CACNA2D3: variants seen among roughly 807,000 people sequenced by gnomAD.
The protein encoded by CACNA2D3 is voltage-dependent calcium channel subunit alpha-2/delta-3.
In CACNA2D3, 60 loss-of-function variants were observed where a neutral mutation model predicts 160.6. The ratio of observed to expected loss-of-function variants is 0.37; its 90% confidence interval spans 0.30 to 0.46. CACNA2D3 has a LOEUF of 0.46. Ranked by LOEUF, CACNA2D3 falls within the 20% of genes least tolerant of loss-of-function variation. The probability of loss-of-function intolerance (pLI) is 1.00; values close to 1 mark genes in which losing one functional copy is unlikely to be tolerated. For synonymous variants in CACNA2D3, 558 were observed against 492.9 expected, an observed-to-expected ratio of 1.13 and a Z score of -1.75; for missense variants, 1,205 against 1,365.0, an observed-to-expected ratio of 0.88 and a Z score of 1.85.
chr3:54,570,027 C>T lies in CACNA2D3; in HGVS notation c.811C>T (p.Arg271Cys), dbSNP rs749577299. Reference protein sequence around the residue: ...VDVSGSMKGLRLTIAKQTVSS... With the variant: ...VDVSGSMKGLCLTIAKQTVSS... ...CGTCAGTGGCAGCATGAAAGGACTC[C>T]GTCTGACTATCGCGAAGCAAACAGT... The change falls in exon 8 of 38, where the codon CGT becomes TGT. Residue 271 changes from arginine (R) to cysteine (C), a missense_variant. Physicochemically the swap from Arg to Cys is radical, Grantham distance 180. Coordinates refer to ENST00000474759, the MANE Select transcript of CACNA2D3 (RefSeq NM_018398.3). 9.3e-6 allele frequency: 15 copies of T among 1,613,982 alleles called. No homozygotes were observed. The highest frequency in any genetic ancestry group is 1.3e-5 in the Non-Finnish European group (15 of 1,179,844).
chr3:54,724,276 T>G (rs1257809533), intron 11 of CACNA2D3, among the ~76,000 whole-genome samples: 1 of 152,118 alleles, frequency 6.6e-6, no homozygotes, highest in Non-Finnish European at 1.5e-5. Flanking sequence ...AGCAAGTTCT[T>G]AGAGACCTAC....
In CACNA2D3 at chr3:54,215,240, C is replaced by T. The variant is rs76309987; in HGVS notation, c.204+91646C>T. ...CAAAATTGTATATATTTATGGTACA[C>T]AATGTGATGTTTTGATTAATCTGTG... On this transcript the variant is annotated intron_variant, in intron 2 of 37. Coordinates refer to ENST00000474759, the MANE Select transcript of CACNA2D3 (RefSeq NM_018398.3). Among the ~76,000 whole-genome samples, 860 of 152,296 alleles carry T rather than the reference C, an allele frequency of 5.6e-3. 30 individuals are homozygous for T. In the East Asian group the frequency reaches 0.11, roughly 19 times the overall value.
At chr3:54,742,106 G>C (rs2107044664) in intron 11 of CACNA2D3, among the ~76,000 whole-genome samples, 1 of 152,234 alleles carries the variant, frequency 6.6e-6, no homozygotes, top group African/African-American at 2.4e-5. Context: ...GGCTCAAGCA[G>C]TCTGTCTGCC....
At chr3:54,986,438 A>G (rs1035005130) in intron 30 of CACNA2D3, among the ~76,000 whole-genome samples, 2 of 152,138 alleles carry the variant, frequency 1.3e-5, no homozygotes, top group African/African-American at 4.8e-5. Context: ...ACGAAATACA[A>G]ATGTCCTTCT....
At chr3:54,860,160 T>C (rs892661785) in intron 17 of CACNA2D3, among the ~76,000 whole-genome samples, 1 of 152,070 alleles carries the variant, frequency 6.6e-6, no homozygotes, top group African/African-American at 2.4e-5. Flanking sequence ...GCTGGATTCC[T>C]TGGGAATGGG....
At chr3:54,384,549 A>G (rs983466161) in intron 3 of CACNA2D3, among the ~76,000 whole-genome samples, 13 of 152,180 alleles carry the variant, frequency 8.5e-5, no homozygotes, top group Non-Finnish European at 1.6e-4. Context: ...ATTGACTAGG[A>G]TGATTTTAGG....
At chr3:54,123,066 C>G (rs1034923032) in intron 1 of CACNA2D3, among the ~76,000 whole-genome samples, 2 of 152,182 alleles carry the variant, frequency 1.3e-5, no homozygotes, top group African/African-American at 4.8e-5. Context: ...CCTCAAGTGA[C>G]GGCACCAACT....
At chr3:54,491,785 C>T (rs1701114913) in intron 4 of CACNA2D3, among the ~76,000 whole-genome samples, 1 of 152,070 alleles carries the variant, frequency 6.6e-6, no homozygotes, top group African/African-American at 2.4e-5. Context: ...GCCTGCAAAA[C>T]CTAAAATATT....
intron 13 of CACNA2D3, among the ~76,000 whole-genome samples, chr3:54,808,438 A>C (rs994972102): frequency 6.6e-6 from 1 of 152,020 alleles, no homozygotes; most frequent in Non-Finnish European, 1.5e-5. Flanking sequence ...GTCTTTCCTC[A>C]CAGATTGTAG....
chr3:54,393,840 T>G (rs1409183160), intron 4 of CACNA2D3, among the ~76,000 whole-genome samples: 1 of 152,204 alleles, frequency 6.6e-6, no homozygotes, highest in East Asian at 1.9e-4. Context: ...AGTACCCTGC[T>G]TCCCTAGAAC....
At chr3:54,135,811 C>G (rs992087536) in intron 2 of CACNA2D3, among the ~76,000 whole-genome samples, 7 of 152,210 alleles carry the variant, frequency 4.6e-5, no homozygotes, top group Non-Finnish European at 1.0e-4. Flanking sequence ...AGTCCCTCCA[C>G]CTGTGAGTGT....
intron 17 of CACNA2D3, among the ~76,000 whole-genome samples, chr3:54,850,517 A>C (rs932381397): frequency 6.6e-6 from 1 of 152,176 alleles, no homozygotes; most frequent in Non-Finnish European, 1.5e-5. Context: ...TTTTCTTAGA[A>C]TGTGGAGCCC....
intron 9 of CACNA2D3, among the ~76,000 whole-genome samples, chr3:54,627,509 C>T (rs190117393): frequency 2.6e-5 from 4 of 152,110 alleles, no homozygotes; most frequent in African/African-American, 2.4e-5. Context: ...AATGATGAAA[C>T]GGGAGAGGAA....
chr3:54,243,994 T>TC (rs1276043443), intron 2 of CACNA2D3, among the ~76,000 whole-genome samples: 1 of 151,916 alleles, frequency 6.6e-6, no homozygotes. Flanking sequence ...GGAGTCCTGC[T>TC]CCCCCCGTCC....
At chr3:54,264,637 T>G (rs1702467916) in intron 2 of CACNA2D3, among the ~76,000 whole-genome samples, 1 of 152,192 alleles carries the variant, frequency 6.6e-6, no homozygotes. Flanking sequence ...TTATCCAGTA[T>G]TTAGGTTTGT....
chr3:54,649,199 A>G (rs1699713214), intron 11 of CACNA2D3, among the ~76,000 whole-genome samples: 1 of 152,086 alleles, frequency 6.6e-6, no homozygotes, highest in Non-Finnish European at 1.5e-5. Flanking sequence ...CAAGACTGGG[A>G]TATCTTACAT....
intron 3 of CACNA2D3, among the ~76,000 whole-genome samples, chr3:54,351,960 A>G (rs969377886): frequency 6.6e-6 from 1 of 152,174 alleles, no homozygotes; most frequent in Non-Finnish European, 1.5e-5. Flanking sequence ...CCTTTGCAGC[A>G]CTTCTCTCAG....
At chr3:54,301,266 AAACAAC>A (rs57134946) in intron 2 of CACNA2D3, among the ~76,000 whole-genome samples, 1 of 150,352 alleles carries the variant, frequency 6.7e-6, no homozygotes, top group African/African-American at 2.5e-5. Context: ...CAAAACAAAC[AAACAAC>A]AACAACAACA....
At chr3:54,497,543 A>G (rs1389335795) in intron 4 of CACNA2D3, among the ~76,000 whole-genome samples, 1 of 152,056 alleles carries the variant, frequency 6.6e-6, no homozygotes, top group Non-Finnish European at 1.5e-5. Flanking sequence ...GACAAAATCT[A>G]TGTAGAAAAG....
Sources: allele counts gnomAD v4.1 joint callset (sites outside exome capture counted in the v4.1 genomes callset), GRCh38; gene constraint gnomAD v4.1.1; transcripts MANE v1.5; gene names NCBI Gene and HGNC (gene_info 2026-07-23, HGNC 2026-07-21).